Variants in KCNMB2 observed in about 807,000 individuals in gnomAD.
The protein encoded by KCNMB2 is calcium-activated potassium channel subunit beta-2.
KCNMB2 carries 9 observed loss-of-function variants against 24.5 expected under a neutral mutation model. The observed-to-expected ratio is 0.37, with a 90% CI of 0.22 to 0.64. The LOEUF is 0.64. Among genes scored for constraint, KCNMB2 ranks in the 30% least tolerant of loss-of-function variants. The probability of loss-of-function intolerance (pLI) is 0.63; values close to 1 mark genes in which losing one functional copy is unlikely to be tolerated. For synonymous variants in KCNMB2, 109 were observed against 104.4 expected (o/e 1.04, Z -0.27); for missense variants, 226 against 284.3 (o/e 0.79, Z 1.47).
intron 1 of KCNMB2, among the ~76,000 whole-genome samples, chr3:178,651,297 C>G (rs1234615978): frequency 6.6e-6 from 1 of 152,168 alleles, no homozygotes; most frequent in Non-Finnish European, 1.5e-5. Context: ...AGAGCCAAAT[C>G]ATGAGTGAAC....
intron 1 of KCNMB2, among the ~76,000 whole-genome samples, chr3:178,545,146 G>A (rs1715736099): frequency 6.6e-6 from 1 of 152,164 alleles, no homozygotes; most frequent in South Asian, 2.1e-4. Context: ...CAGCTTGTGA[G>A]TTCTGATGCT....
intron 1 of KCNMB2, among the ~76,000 whole-genome samples, chr3:178,614,247 T>TTATA (rs776751246): frequency 0.017 from 927 of 53,092 alleles, 19 homozygotes; most frequent in Non-Finnish European, 0.021. Context: ...TGGGCTAATT[T>TTATA]TATATATATA....
At chr3:178,637,613 A>T (rs569691269) in intron 1 of KCNMB2, among the ~76,000 whole-genome samples, 7 of 152,258 alleles carry the variant, frequency 4.6e-5, no homozygotes, top group African/African-American at 1.7e-4. Context: ...GTTCTAATTC[A>T]GTAAATGAAT....
chr3:178,682,994 T>C (rs754833461), intron 1 of KCNMB2, among the ~76,000 whole-genome samples: 3 of 152,118 alleles, frequency 2.0e-5, no homozygotes, highest in Non-Finnish European at 4.4e-5. Context: ...TTATCAGGTA[T>C]GTATTCAAAA....
At chr3:178,639,838 GT>G (rs1342963938) in intron 1 of KCNMB2, among the ~76,000 whole-genome samples, 1 of 152,182 alleles carries the variant, frequency 6.6e-6, no homozygotes, top group Non-Finnish European at 1.5e-5. Context: ...AAATTAAATG[GT>G]TTTTTCAATT....
At chr3:178,724,657 A>C (rs1301915062) in intron 1 of KCNMB2, among the ~76,000 whole-genome samples, 1 of 152,172 alleles carries the variant, frequency 6.6e-6, no homozygotes, top group Non-Finnish European at 1.5e-5. Flanking sequence ...TAAATCTTTA[A>C]TCCATCTTGC....
Position 178,740,762 on chromosome 3 carries a change from A to T in KCNMB2, c.-67-66581A>T, listed in dbSNP as rs1325021219. On this transcript the variant is annotated intron_variant, in intron 1 of 4. Transcript: ENST00000452583. ...TGGTTGACTACCTTAATGAACACACATGTTGAGCACCTGCCATCTGTCAGG... is the reference window on the plus strand; with the variant it reads ...TGGTTGACTACCTTAATGAACACACTTGTTGAGCACCTGCCATCTGTCAGG... 3.3e-5 allele frequency among the ~76,000 whole-genome samples: 5 copies of T among 152,308 alleles called. No homozygotes were observed. In the East Asian group the frequency reaches 7.7e-4, roughly 23 times the overall value.
chr3:178,762,849 GA>G (rs58820080), intron 1 of KCNMB2, among the ~76,000 whole-genome samples: 21,609 of 129,052 alleles, frequency 0.17, 1,718 homozygotes, highest in Admixed American at 0.21. Context: ...TTACTGAGTT[GA>G]AAAAAAAAAA....
chr3:178,656,541 G>A (rs1004302085), intron 1 of KCNMB2, among the ~76,000 whole-genome samples: 4 of 152,158 alleles, frequency 2.6e-5, no homozygotes, highest in African/African-American at 9.7e-5. Flanking sequence ...GGGAGGCTGA[G>A]GCAGGCAGAT....
chr3:178,694,377 C>A (rs1344337902), intron 1 of KCNMB2, among the ~76,000 whole-genome samples: 2 of 152,160 alleles, frequency 1.3e-5, no homozygotes, highest in Admixed American at 6.5e-5. Flanking sequence ...TGTCCTCTCC[C>A]AATTCTCCTG....
intron 1 of KCNMB2, among the ~76,000 whole-genome samples, chr3:178,721,191 A>G (rs1204470281): frequency 6.6e-6 from 1 of 152,152 alleles, no homozygotes; most frequent in African/African-American, 2.4e-5. Flanking sequence ...CTTTCCACAT[A>G]TGGCTAGCCA....
chr3:178,685,728 G>A (rs1413875035), intron 1 of KCNMB2, among the ~76,000 whole-genome samples: 2 of 152,156 alleles, frequency 1.3e-5, no homozygotes, highest in African/African-American at 2.4e-5. Context: ...AATCAATAAC[G>A]TTCCCACAGC....
chr3:178,661,319 T>C (rs985288619), intron 1 of KCNMB2, among the ~76,000 whole-genome samples: 11 of 152,258 alleles, frequency 7.2e-5, no homozygotes, highest in African/African-American at 2.6e-4. Context: ...ACATGAACTC[T>C]TCCTTTTTTA....
chr3:178,664,842 C>G (rs1168913192), intron 1 of KCNMB2, among the ~76,000 whole-genome samples: 1 of 152,054 alleles, frequency 6.6e-6, no homozygotes, highest in African/African-American at 2.4e-5. Flanking sequence ...TATAATCATA[C>G]AGTGAAGTCC....
chr3:178,762,910 T>C (rs764755190), intron 1 of KCNMB2, among the ~76,000 whole-genome samples: 1 of 150,286 alleles, frequency 6.7e-6, no homozygotes, highest in Admixed American at 6.7e-5. Flanking sequence ...TGTTGGGAAG[T>C]GTCAATTTTT....
At chr3:178,705,278 T>C (rs1337765862) in intron 1 of KCNMB2, among the ~76,000 whole-genome samples, 1 of 152,042 alleles carries the variant, frequency 6.6e-6, no homozygotes, top group Non-Finnish European at 1.5e-5. Context: ...TGGACAATTT[T>C]CTAGGTAGTC....
In KCNMB2 at chr3:178,570,515, C is replaced by CTTTTTTTT. The variant is rs200106452; in HGVS notation, c.-68+33822_-68+33829dup. 6.1e-4 allele frequency among the ~76,000 whole-genome samples: 70 copies of CTTTTTTTT among 114,620 alleles called. 1 individual carries two copies. The highest frequency in any genetic ancestry group is 1.2e-3 in the African/African-American group (39 of 32,948). The allele number at this position is 114,620 out of a possible 152,430, so 75.2% of individuals were successfully genotyped here. A position where few individuals can be genotyped will look rare whatever the true frequency, so the allele number is the denominator to read the frequency against. ...GAACATTGACCAAAGGTAATGATAC[C>CTTTTTTTT]TTTTTTTTTTTTTTTTTTTTTTTTT... On this transcript the variant is annotated intron_variant, in intron 1 of 4. Transcript: ENST00000452583.
chr3:178,672,752 G>A (rs183041486), intron 1 of KCNMB2, among the ~76,000 whole-genome samples: 3 of 152,170 alleles, frequency 2.0e-5, no homozygotes, highest in South Asian at 2.1e-4. Context: ...CTTTAAATTC[G>A]TAGTGACTTC....
chr3:178,639,800 G>C (rs1490400027), intron 1 of KCNMB2, among the ~76,000 whole-genome samples: 1 of 152,138 alleles, frequency 6.6e-6, no homozygotes, highest in Non-Finnish European at 1.5e-5. Context: ...GTGCCATGTG[G>C]TTCTATACAA....
Sources: gnomAD v4.1 joint callset for allele counts (sites outside exome capture counted in the v4.1 genomes callset) on GRCh38, gnomAD v4.1.1 for gene constraint, MANE v1.5 for transcripts, NCBI Gene and HGNC (gene_info 2026-07-23, HGNC 2026-07-21) for gene names.